RBFOX2: variants seen among roughly 807,000 people sequenced by gnomAD.
The protein encoded by RBFOX2 is RNA binding protein fox-1 homolog 2.
In RBFOX2, 10 loss-of-function variants were observed where a neutral mutation model predicts 49.1. The ratio of observed to expected loss-of-function variants is 0.20; its 90% CI spans 0.13 to 0.35. The LOEUF (loss-of-function observed/expected upper bound fraction) is 0.35, where lower values mean the gene tolerates loss of function less well. RBFOX2 is among the 10% of genes least tolerant of loss of function. RBFOX2 has a pLI of 1.00. For missense variants in RBFOX2, 323 were observed against 486.9 expected (o/e 0.66, Z 3.17); for synonymous variants, 183 against 187.4 (o/e 0.98, Z 0.19).
chr22:36,003,519 G>A (rs1357045059), intron 1 of RBFOX2, among the ~76,000 whole-genome samples: 1 of 152,180 alleles, frequency 6.6e-6, no homozygotes, highest in Non-Finnish European at 1.5e-5. Flanking sequence ...TGACAGTACT[G>A]GGTACCTCTA....
upstream of RBFOX2, chr22:35,939,133 C>T: frequency 1.5e-6 from 1 of 674,968 alleles, no homozygotes; most frequent in Admixed American, 2.0e-5. Context: ...CTTCCTTATG[C>T]AGCTAAATCT....
intron 6 of RBFOX2, 61 bp from the exon 8 acceptor site, chr22:35,761,529 G>A: frequency 6.3e-7 from 1 of 1,575,916 alleles, no homozygotes; most frequent in South Asian, 1.1e-5. Flanking sequence ...GATGATCAGT[G>A]CATGTCAAGT....
chr22:36,025,761 C>G (rs5756045), intron 1 of RBFOX2, among the ~76,000 whole-genome samples: 35,353 of 152,036 alleles, frequency 0.23, 6,639 homozygotes, highest in African/African-American at 0.52. Context: ...GGGTGCGGTG[C>G]CTCACACCTG....
intron 4 of RBFOX2, among the ~76,000 whole-genome samples, chr22:35,774,986 A>C (rs1226354034): frequency 1.3e-5 from 2 of 152,228 alleles, no homozygotes; most frequent in Non-Finnish European, 2.9e-5. Context: ...TGTACAGAAA[A>C]GCACTCTGTT....
chr22:36,017,040 C>G (rs1360931001), intron 1 of RBFOX2, among the ~76,000 whole-genome samples: 2 of 152,160 alleles, frequency 1.3e-5, no homozygotes, highest in Non-Finnish European at 2.9e-5. Flanking sequence ...AAACCAGAAG[C>G]TGAAAGTGAA....
At chr22:35,761,866 AC>A (rs1939015269) in intron 6 of RBFOX2, among the ~76,000 whole-genome samples, 2 of 152,160 alleles carry the variant, frequency 1.3e-5, no homozygotes, top group Non-Finnish European at 2.9e-5. Flanking sequence ...CATTTTCTCA[AC>A]CCTGTTTATT....
At chr22:35,992,675 C>T (rs2058032212) in intron 1 of RBFOX2, 1 of 152,176 alleles carries the variant, frequency 6.6e-6, no homozygotes, top group Admixed American at 6.5e-5. Flanking sequence ...TGGAAATTTA[C>T]CTTTACTGAT....
At chr22:35,891,551 T>A (rs1377777539) in intron 1 of RBFOX2, among the ~76,000 whole-genome samples, 3 of 152,128 alleles carry the variant, frequency 2.0e-5, no homozygotes, top group Non-Finnish European at 1.5e-5. Context: ...AGAATTGAAC[T>A]ATGAAAAAAC....
At chr22:35,914,760 T>C (rs138858129) in intron 1 of RBFOX2, among the ~76,000 whole-genome samples, 1 of 152,264 alleles carries the variant, frequency 6.6e-6, no homozygotes, top group African/African-American at 2.4e-5. Context: ...GGGAGAAGAA[T>C]GTCACCCGAT....
chr22:36,002,397 CA>C (rs1027349809), intron 1 of RBFOX2, among the ~76,000 whole-genome samples: 7 of 151,908 alleles, frequency 4.6e-5, no homozygotes, highest in African/African-American at 1.5e-4. Context: ...AAAAAACAAA[CA>C]AAAAAACTTA....
rs555517544 is a variant in RBFOX2, at chr22:35,976,859, G to A, written c.187-37962C>T. Among the ~76,000 whole-genome samples the A allele has an allele frequency of 9.9e-5, 15 of 152,014 alleles. No individual in the cohort carries two copies. In the South Asian group the frequency reaches 2.7e-3, roughly 27 times the overall value. The stretch of plus-strand genomic sequence containing the variant: ...TGTGCCTGTAATCCCAGCTACTTGG[G>A]AGGCTGAGGCAGGAGAATCTCTTGA... On this transcript the variant is annotated intron_variant, in intron 1 of 13. Coordinates refer to the RBFOX2 transcript ENST00000438146.
At chr22:35,961,737 C>T (rs987450976), upstream of RBFOX2, 137 of 1,250,000 alleles carry the variant, frequency 1.1e-4, no homozygotes, top group South Asian at 1.7e-3. Context: ...AAAGGTTTTC[C>T]GTTCTCCCCA....
rs138475687 is a variant in RBFOX2 at position 35,850,921 on chromosome 22, A to T, written c.-33-40917T>A. 2.6e-3 allele frequency among the ~76,000 whole-genome samples: 398 copies of T among 152,354 alleles called. 4 individuals are homozygous for T. The highest frequency in any genetic ancestry group is 9.4e-3 in the African/African-American group (389 of 41,584). On this transcript the variant is annotated intron_variant, in intron 1 of 13. Coordinates refer to the RBFOX2 transcript ENST00000359369. ...ATTTGGAACAAGCATTCAAAATTTCAAAATGGTAAATAATTCTAAATAAGT... is the reference window on the plus strand; with the variant it reads ...ATTTGGAACAAGCATTCAAAATTTCTAAATGGTAAATAATTCTAAATAAGT...
chr22:35,895,528 A>C (rs1160086604), intron 1 of RBFOX2, among the ~76,000 whole-genome samples: 1 of 152,198 alleles, frequency 6.6e-6, no homozygotes, highest in Non-Finnish European at 1.5e-5. Context: ...TAATCTTGCA[A>C]GATTTCAAAA....
chr22:35,832,109 C>G (rs573508498), intron 1 of RBFOX2, among the ~76,000 whole-genome samples: 2 of 152,194 alleles, frequency 1.3e-5, no homozygotes, highest in Admixed American at 6.5e-5. Flanking sequence ...CGATGGCTCA[C>G]GCCAGTAATC....
intron 1 of RBFOX2, among the ~76,000 whole-genome samples, chr22:36,018,596 C>A (rs1407375038): frequency 6.6e-6 from 1 of 152,006 alleles, no homozygotes; most frequent in Non-Finnish European, 1.5e-5. Context: ...AGATTTTAAG[C>A]GTGGAGTAAC....
At chr22:35,913,593 G>GAT (rs1345085162) in intron 1 of RBFOX2, among the ~76,000 whole-genome samples, 4 of 149,804 alleles carry the variant, frequency 2.7e-5, no homozygotes, top group African/African-American at 4.9e-5. Flanking sequence ...GAGATATACC[G>GAT]ATATATATAT....
chr22:35,964,726 A>C (rs185638657), upstream of RBFOX2, among the ~76,000 whole-genome samples: 14 of 152,318 alleles, frequency 9.2e-5, no homozygotes, highest in Admixed American at 5.2e-4. Flanking sequence ...AAATCAGCTG[A>C]TTAGAGGACC....
At chr22:35,892,973 A>G (rs2047423114) in intron 1 of RBFOX2, among the ~76,000 whole-genome samples, 1 of 152,194 alleles carries the variant, frequency 6.6e-6, no homozygotes, top group East Asian at 1.9e-4. Flanking sequence ...GCTTCCTTCT[A>G]TGTATCTGGG....
Sources: gnomAD v4.1 joint callset for allele counts (sites outside exome capture counted in the v4.1 genomes callset) on GRCh38, gnomAD v4.1.1 for gene constraint, MANE v1.5 for transcripts, NCBI Gene and HGNC (gene_info 2026-07-23, HGNC 2026-07-21) for gene names.